The following POC1B variants were observed in gnomAD, a reference collection of about 807,000 sequenced individuals.
The protein encoded by POC1B is POC1 centriolar protein B.
Under a neutral mutation model 60.6 loss-of-function variants are expected in POC1B, and 44 were observed. The ratio of observed to expected loss-of-function variants is 0.73; its 90% confidence interval spans 0.57 to 0.93. The LOEUF is 0.93. Among genes scored for constraint, POC1B ranks in the 40% least tolerant of loss-of-function variants. The pLI is 0.00. For synonymous variants in POC1B, 180 were observed against 198.9 expected (o/e 0.90, Z 0.80); for missense variants, 555 against 572.3 (o/e 0.97, Z 0.31).
At chr12:89,459,866 G>C in intron 9 of POC1B, 148 bp from the exon 10 acceptor site, 2 of 491,436 alleles carry the variant, frequency 4.1e-6, no homozygotes, top group Non-Finnish European at 7.2e-6. Flanking sequence ...AAAATTTTAA[G>C]CTAAATGTTA....
Position 89,495,281 on chromosome 12 carries a change from A to C in POC1B, c.272+1890T>G, listed in dbSNP as rs192475452. Among the ~76,000 whole-genome samples the C allele has an allele frequency of 3.9e-5, 6 of 152,330 alleles. No individual in the cohort carries two copies. In the East Asian group the frequency reaches 9.6e-4, roughly 24 times the overall value. Reference sequence around the variant, plus strand: ...TTATGCTGTGCAGAAGATAGTAAAAAAGCTAGTTCTAAATTCCCAAAGTTA... The same window carrying C: ...TTATGCTGTGCAGAAGATAGTAAAACAGCTAGTTCTAAATTCCCAAAGTTA... On this transcript the variant is annotated intron_variant, in intron 3 of 11. Coordinates refer to ENST00000313546, the MANE Select transcript of POC1B (RefSeq NM_172240.3).
At chr12:89,491,872 T>C (rs1305360319) in intron 4 of POC1B, 64 bp downstream of exon 4, 5 of 1,338,186 alleles carry the variant, frequency 3.7e-6, no homozygotes, top group Non-Finnish European at 5.0e-6. Flanking sequence ...TTTCTGGAAG[T>C]TGGGGGCAAA....
At chr12:89,518,816 A>G (rs987184715) in intron 2 of POC1B, among the ~76,000 whole-genome samples, 6 of 152,230 alleles carry the variant, frequency 3.9e-5, no homozygotes, top group African/African-American at 1.4e-4. Flanking sequence ...AGGTTAGAAT[A>G]CAAGTATTTA....
chr12:89,499,084 T>G (rs958823503), intron 2 of POC1B, among the ~76,000 whole-genome samples: 10 of 151,722 alleles, frequency 6.6e-5, no homozygotes, highest in Non-Finnish European at 1.3e-4. Flanking sequence ...CCTGGAAGAA[T>G]GAGGAATGAC....
intron 2 of POC1B, among the ~76,000 whole-genome samples, chr12:89,497,878 T>C (rs1869336250): frequency 6.6e-6 from 1 of 152,234 alleles, no homozygotes. Flanking sequence ...ATTTGGTTTG[T>C]AATTTGCTCT....
chr12:89,483,958 T>C (rs894028805), intron 4 of POC1B, among the ~76,000 whole-genome samples: 3 of 152,252 alleles, frequency 2.0e-5, no homozygotes, highest in Non-Finnish European at 4.4e-5. Context: ...AATTGGCTGC[T>C]TAACATATTG....
At chr12:89,502,493 A>T in intron 2 of POC1B, 1 of 1,097,884 alleles carries the variant, frequency 9.1e-7, no homozygotes, top group Non-Finnish European at 1.4e-6. Context: ...AAAAAAATCT[A>T]ATAAGAAAAG....
chr12:89,525,001 T>G (rs1871306004), intron 2 of POC1B, 119 bp downstream of exon 2: 10 of 1,452,122 alleles, frequency 6.9e-6, no homozygotes, highest in Middle Eastern at 3.8e-4. Flanking sequence ...CTCCGGGTGC[T>G]CTCAACCCTC....
intron 4 of POC1B, among the ~76,000 whole-genome samples, chr12:89,474,209 A>AG (rs1279662894): frequency 1.3e-5 from 2 of 151,900 alleles, no homozygotes; most frequent in Admixed American, 6.5e-5. Flanking sequence ...CTGTCTCAAA[A>AG]GGAAAAAAAA....
intron 10 of POC1B, among the ~76,000 whole-genome samples, chr12:89,440,373 C>T (rs555074184): frequency 6.6e-6 from 1 of 152,344 alleles, no homozygotes; most frequent in East Asian, 1.9e-4. Context: ...ACCAAATTCT[C>T]TTATGCCAGG....
intron 2 of POC1B, among the ~76,000 whole-genome samples, chr12:89,503,286 T>C (rs908355102): frequency 8.5e-5 from 13 of 152,230 alleles, no homozygotes; most frequent in African/African-American, 3.1e-4. Context: ...GACTGGTTTT[T>C]GTATTTTTTT....
At chr12:89,480,023 G>T (rs1242327126) in intron 4 of POC1B, among the ~76,000 whole-genome samples, 1 of 152,040 alleles carries the variant, frequency 6.6e-6, no homozygotes, top group Non-Finnish European at 1.5e-5. Flanking sequence ...ATATACACAT[G>T]TATCTGCTTC....
chr12:89,524,688 C>G (rs1180967143), intron 2 of POC1B: 8 of 912,556 alleles, frequency 8.8e-6, no homozygotes, highest in Non-Finnish European at 8.3e-6. Context: ...TTTCCAGCCA[C>G]CCAGGCTTTC....
At chr12:89,427,535 A>T (rs1261385597) in intron 10 of POC1B, 1 of 152,178 alleles carries the variant, frequency 6.6e-6, no homozygotes, top group East Asian at 1.9e-4. Flanking sequence ...TCTACAAAAA[A>T]TAAAAAAATA....
chr12:89,402,506 C>T, the POC1B span, among the ~76,000 whole-genome samples: 1 of 152,022 alleles, frequency 6.6e-6, no homozygotes, highest in African/African-American at 2.4e-5. Context: ...ATCTTTTCTG[C>T]TCCTCTCCCT....
At chr12:89,419,677 G>C (rs1394383786), downstream of POC1B, 2 of 152,160 alleles carry the variant, frequency 1.3e-5, no homozygotes, top group Non-Finnish European at 2.9e-5. Context: ...AAGATGTTTA[G>C]TACTTCCGGG....
intron 10 of POC1B, among the ~76,000 whole-genome samples, chr12:89,430,231 C>T (rs1880972615): frequency 6.6e-6 from 1 of 152,134 alleles, no homozygotes; most frequent in Non-Finnish European, 1.5e-5. Context: ...CTGACTGATG[C>T]AAAGAACTAC....
intron 10 of POC1B, among the ~76,000 whole-genome samples, chr12:89,446,364 C>A (rs1364623542): frequency 6.6e-6 from 1 of 152,152 alleles, no homozygotes; most frequent in Non-Finnish European, 1.5e-5. Context: ...AAATGTCCAA[C>A]AACAATAGAC....
chr12:89,489,012 T>C (rs1201716947), intron 4 of POC1B, among the ~76,000 whole-genome samples: 1 of 152,154 alleles, frequency 6.6e-6, no homozygotes, highest in Admixed American at 6.5e-5. Context: ...TCTTCTTATT[T>C]ACAGCATCAC....
Sources: allele counts gnomAD v4.1 joint callset (sites outside exome capture counted in the v4.1 genomes callset), GRCh38; gene constraint gnomAD v4.1.1; transcripts MANE v1.5; gene names NCBI Gene and HGNC (gene_info 2026-07-23, HGNC 2026-07-21).